Variants in PSD3 observed in about 807,000 individuals in gnomAD.
PSD3 encodes the protein PH and SEC7 domain-containing protein 3.
PSD3 carries 49 observed loss-of-function variants against 105.5 expected under a neutral mutation model. The observed-to-expected ratio is 0.46, with a 90% CI of 0.37 to 0.59. The LOEUF (loss-of-function observed/expected upper bound fraction) is 0.59, where lower values mean the gene tolerates loss of function less well. Among genes scored for constraint, PSD3 ranks in the 20% least tolerant of loss-of-function variants. The pLI is 0.00. For missense variants in PSD3, 1,561 were observed against 1,263.8 expected (o/e 1.24, Z -3.57); for synonymous variants, 557 against 457.8 (o/e 1.22, Z -2.77).
Position 18,976,465 on chromosome 8 carries a change from A to T in PSD3, c.21+37098T>A, listed in dbSNP as rs574582378. ...ATGTGGACATTACTAATGTTTACCA[A>T]TACCAAGGCTTTCTCCATCTCTGAC... On this transcript the variant is annotated intron_variant, in intron 1 of 15. Transcript: ENST00000327040. Among the ~76,000 whole-genome samples the T allele has an allele frequency of 3.6e-4, 55 of 152,346 alleles. No individual in the cohort carries two copies. In the South Asian group the frequency reaches 0.011, roughly 32 times the overall value.
At chr8:18,629,399 T>A (rs1273941379) in intron 11 of PSD3, among the ~76,000 whole-genome samples, 3 of 152,038 alleles carry the variant, frequency 2.0e-5, no homozygotes, top group Non-Finnish European at 4.4e-5. Context: ...CAAAAACTTA[T>A]ATGTGAATGT....
chr8:18,899,900 TAC>T (rs1049325181), intron 2 of PSD3, among the ~76,000 whole-genome samples: 24 of 152,280 alleles, frequency 1.6e-4, no homozygotes, highest in African/African-American at 5.8e-4. Context: ...CATAAAACAA[TAC>T]AGTTGGCCTA....
intron 1 of PSD3, among the ~76,000 whole-genome samples, chr8:19,055,538 C>T (rs1271352097): frequency 1.3e-5 from 2 of 152,234 alleles, no homozygotes; most frequent in Admixed American, 1.3e-4. Flanking sequence ...CAGGCGTGAG[C>T]CACCGTGCCC....
chr8:18,826,945 A>AATGGT (rs1393698247), intron 4 of PSD3, among the ~76,000 whole-genome samples: 11 of 152,338 alleles, frequency 7.2e-5, no homozygotes, highest in African/African-American at 2.6e-4. Flanking sequence ...AAGTGATATG[A>AATGGT]ATGGTATGAT....
chr8:18,752,563 TATTATATATATA>T (rs1228722792), intron 9 of PSD3, among the ~76,000 whole-genome samples: 8 of 84,924 alleles, frequency 9.4e-5, no homozygotes, highest in Non-Finnish European at 1.4e-4. Context: ...TAATTATATA[TATTATATATATA>T]ATTATATATA....
At chr8:18,813,103 G>A (rs938839198) in intron 4 of PSD3, among the ~76,000 whole-genome samples, 13 of 152,154 alleles carry the variant, frequency 8.5e-5, no homozygotes, top group Non-Finnish European at 1.8e-4. Flanking sequence ...AGCCTCCTCC[G>A]AAAGCTATTT....
intron 11 of PSD3, among the ~76,000 whole-genome samples, chr8:18,606,445 C>A (rs564746427): frequency 2.1e-4 from 32 of 152,288 alleles, no homozygotes; most frequent in Non-Finnish European, 4.3e-4. Context: ...CTTATCCATT[C>A]AGATAAAAGT....
In PSD3 at chr8:18,632,628, T is replaced by A. The variant is rs1405843057; in HGVS notation, c.2395A>T (p.Met799Leu). Residue 799 changes from methionine to leucine, a missense_variant, in exon 11 of 16, where the codon ATG (methionine) becomes TTG (leucine). Physicochemically the swap from Met to Leu is conservative, Grantham distance 15. Coordinates refer to ENST00000327040, the MANE Select transcript of PSD3 (RefSeq NM_015310.4). ...TGATACTTACTCTTCTTTCCATCCATATCTGCATGAATTTTCCGAGCCAAG... is the reference window on the plus strand; with the variant it reads ...TGATACTTACTCTTCTTTCCATCCAAATCTGCATGAATTTTCCGAGCCAAG... ...GFLARKIHADMDGKKTPRGKR... is the reference protein window; with the variant it reads ...GFLARKIHADLDGKKTPRGKR... 8.7e-6 allele frequency: 14 copies of A among 1,611,760 alleles called. No homozygotes were observed. Among genetic ancestry groups the A allele is most frequent in the Middle Eastern group, 1.7e-4 (1 of 6,058 alleles).
At chr8:18,668,064 C>G (rs920166040) in intron 9 of PSD3, among the ~76,000 whole-genome samples, 16 of 152,194 alleles carry the variant, frequency 1.1e-4, no homozygotes, top group African/African-American at 3.9e-4. Context: ...CCAGGCCTCT[C>G]CCTGCACACC....
chr8:18,869,772 C>T (rs1817206235), intron 3 of PSD3, among the ~76,000 whole-genome samples: 1 of 152,214 alleles, frequency 6.6e-6, no homozygotes, highest in Non-Finnish European at 1.5e-5. Flanking sequence ...TTGTAGGTCT[C>T]TGTTCTTTCC....
chr8:18,635,345 G>T lies in PSD3; in HGVS notation c.2217-2539C>A, dbSNP rs531211229. On this transcript the variant is annotated intron_variant, in intron 10 of 15. Coordinates refer to ENST00000327040, the MANE Select transcript of PSD3 (RefSeq NM_015310.4). The stretch of plus-strand genomic sequence containing the variant: ...GGCTAGGTGTGCTCATTGCTTTGGG[G>T]TCCTCCCAATAGACAAAGCTAGGGA... Among the ~76,000 whole-genome samples the T allele has an allele frequency of 9.2e-5, 14 of 152,072 alleles. No homozygotes were observed. In the East Asian group the frequency reaches 2.7e-3, roughly 29 times the overall value.
At chr8:19,021,570 A>AC (rs1233627783) in intron 1 of PSD3, among the ~76,000 whole-genome samples, 1 of 152,076 alleles carries the variant, frequency 6.6e-6, no homozygotes, top group Non-Finnish European at 1.5e-5. Context: ...AAAAAAAAAA[A>AC]AACCCATAGC....
At chr8:18,889,557 C>T (rs1818653755) in intron 2 of PSD3, among the ~76,000 whole-genome samples, 1 of 152,160 alleles carries the variant, frequency 6.6e-6, no homozygotes, top group Non-Finnish European at 1.5e-5. Flanking sequence ...GCTTGGCTAC[C>T]CTGTCTTGCC....
intron 1 of PSD3, among the ~76,000 whole-genome samples, chr8:19,024,381 G>A (rs768545147): frequency 2.6e-5 from 4 of 152,160 alleles, no homozygotes; most frequent in Non-Finnish European, 5.9e-5. Context: ...GAGTGATGAA[G>A]GGAGATAATG....
intron 1 of PSD3, among the ~76,000 whole-genome samples, chr8:18,962,613 T>C: frequency 6.6e-6 from 1 of 152,246 alleles, no homozygotes; most frequent in Non-Finnish European, 1.5e-5. Context: ...TCCAATTCAC[T>C]ATCAAGCTCT....
chr8:18,697,279 G>T (rs572098522), intron 9 of PSD3, among the ~76,000 whole-genome samples: 6 of 152,240 alleles, frequency 3.9e-5, no homozygotes, highest in Non-Finnish European at 8.8e-5. Context: ...TCACAGGCAA[G>T]GGGGAGAGGG....
chr8:19,043,221 G>C (rs1418572687), intron 1 of PSD3, among the ~76,000 whole-genome samples: 1 of 152,150 alleles, frequency 6.6e-6, no homozygotes. Context: ...TGGCCAAAAT[G>C]GCTGTGGTAA....
intron 2 of PSD3, among the ~76,000 whole-genome samples, chr8:18,893,966 T>C (rs1401780651): frequency 6.6e-6 from 1 of 152,200 alleles, no homozygotes. Flanking sequence ...CCTTTCAAAA[T>C]GCAAGAGCTT....
chr8:18,564,044 G>A (rs538523575), intron 14 of PSD3, among the ~76,000 whole-genome samples: 6 of 151,812 alleles, frequency 4.0e-5, no homozygotes, highest in Non-Finnish European at 7.4e-5. Context: ...TGCTGAACTC[G>A]TTTATGAGTT....
Sources: allele counts gnomAD v4.1 joint callset (sites outside exome capture counted in the v4.1 genomes callset), GRCh38; gene constraint gnomAD v4.1.1; transcripts MANE v1.5; gene names NCBI Gene and HGNC (gene_info 2026-07-23, HGNC 2026-07-21).